The following LRBA variants were observed in gnomAD, a reference collection of about 807,000 sequenced individuals.
LRBA encodes lipopolysaccharide-responsive and beige-like anchor protein.
Under a neutral mutation model 330.0 loss-of-function variants are expected in LRBA, and 176 were observed. The observed-to-expected ratio is 0.53, with a 90% CI of 0.47 to 0.60. LRBA has a LOEUF of 0.60. LRBA is among the 20% of genes least tolerant of loss of function. The probability of loss-of-function intolerance (pLI) is 0.00; values close to 1 mark genes in which losing one functional copy is unlikely to be tolerated. For synonymous variants in LRBA, 1,230 were observed against 1,193.0 expected (o/e 1.03, Z -0.64); for missense variants, 3,259 against 3,444.8 (o/e 0.95, Z 1.35).
chr4:150,379,986 A>C (rs1478464096), intron 47 of LRBA, among the ~76,000 whole-genome samples: 1 of 146,762 alleles, frequency 6.8e-6, no homozygotes, highest in Non-Finnish European at 1.5e-5. Context: ...AACATGGAGA[A>C]ACCCCATTTC....
chr4:150,573,381 T>C (rs1770114749), intron 40 of LRBA, among the ~76,000 whole-genome samples: 1 of 152,184 alleles, frequency 6.6e-6, no homozygotes, highest in African/African-American at 2.4e-5. Flanking sequence ...GTTTGCACTT[T>C]GCAAACCCAC....
chr4:150,282,483 G>A lies in LRBA; in HGVS notation c.8283C>T (p.Leu2761=), dbSNP rs1317787982. Residue 2761 remains leucine, a synonymous_variant, in exon 55 of 57, where the codon CTC becomes CTT. Transcript: ENST00000651943. ...LFCTFSVNGK[L]QATMETDDNI... is the part of the protein sequence containing the mutation. ...TATCATCTGTTTCCATCGTGGCCTG[G>A]AGTTTTCCATTCACACTGAATGTAC... 4 of 1,614,036 alleles carry A rather than the reference G, an allele frequency of 2.5e-6. No homozygotes were observed. The East Asian group carries it at 6.7e-5, about 27-fold the overall frequency.
chr4:150,689,601 T>A (rs1332167741), intron 36 of LRBA, among the ~76,000 whole-genome samples: 1 of 152,180 alleles, frequency 6.6e-6, no homozygotes, highest in East Asian at 1.9e-4. Context: ...CACATGTTTA[T>A]ATCGGTGAAT....
chr4:150,527,644 A>T (rs1763615991), intron 40 of LRBA, among the ~76,000 whole-genome samples: 1 of 152,178 alleles, frequency 6.6e-6, no homozygotes, highest in South Asian at 2.1e-4. Flanking sequence ...GATAACTAAA[A>T]TATACTGGAA....
At chr4:150,707,763 C>A (rs1288115233) in intron 36 of LRBA, among the ~76,000 whole-genome samples, 1 of 151,484 alleles carries the variant, frequency 6.6e-6, no homozygotes, top group Non-Finnish European at 1.5e-5. Flanking sequence ...CTTGAGAATT[C>A]CAGCAGCATT....
chr4:150,767,016 A>G (rs1462483074), intron 34 of LRBA, among the ~76,000 whole-genome samples: 1 of 152,178 alleles, frequency 6.6e-6, no homozygotes, highest in African/African-American at 2.4e-5. Flanking sequence ...AGTGAAGATA[A>G]TACATATTAG....
At chr4:150,596,016 A>C (rs931824522) in intron 38 of LRBA, among the ~76,000 whole-genome samples, 1 of 151,984 alleles carries the variant, frequency 6.6e-6, no homozygotes, top group Non-Finnish European at 1.5e-5. Context: ...ATACTTAATC[A>C]TAAGAGGAAG....
rs1442743331 is a variant in LRBA, at chr4:150,707,558, C to T, written c.5755-23841G>A. On this transcript the variant is annotated intron_variant, in intron 36 of 56. Coordinates refer to ENST00000651943, the MANE Select transcript of LRBA (RefSeq NM_001364905.1). ...AAGGAAGATAAGAAATAAAAAAGGACCACTGTATATATAATTAGTAGATCA... is the reference window on the plus strand; with the variant it reads ...AAGGAAGATAAGAAATAAAAAAGGATCACTGTATATATAATTAGTAGATCA... Among the ~76,000 whole-genome samples the T allele has an allele frequency of 2.0e-5, 3 of 151,574 alleles. No individual in the cohort carries two copies. In the East Asian group the frequency reaches 5.8e-4, roughly 29 times the overall value.
intron 48 of LRBA, among the ~76,000 whole-genome samples, chr4:150,346,757 C>CCAAAAAA (rs1206950764): frequency 4.5e-5 from 3 of 66,136 alleles, no homozygotes; most frequent in African/African-American, 2.3e-4. Context: ...GACTCTGTCT[C>CCAAAAAA]AAAAAAAAAA....
intron 2 of LRBA, among the ~76,000 whole-genome samples, chr4:150,977,411 G>A (rs549143573): frequency 6.6e-6 from 1 of 152,222 alleles, no homozygotes; most frequent in East Asian, 1.9e-4. Flanking sequence ...AAGGGAACCC[G>A]CTGCCTTGAA....
intron 55 of LRBA, among the ~76,000 whole-genome samples, chr4:150,279,927 G>C (rs1012810604): frequency 3.3e-5 from 5 of 152,138 alleles, no homozygotes; most frequent in African/African-American, 7.2e-5. Flanking sequence ...TAGTTCATTT[G>C]AATTTGATAC....
chr4:150,522,252 T>C (rs1489059851), intron 40 of LRBA, among the ~76,000 whole-genome samples: 1 of 151,734 alleles, frequency 6.6e-6, no homozygotes, highest in Non-Finnish European at 1.5e-5. Context: ...AGTAAGAAAA[T>C]AAATTTCTAT....
At chr4:150,339,266 T>C (rs185028442) in intron 48 of LRBA, among the ~76,000 whole-genome samples, 2 of 152,280 alleles carry the variant, frequency 1.3e-5, no homozygotes, top group Non-Finnish European at 2.9e-5. Context: ...CTGAGTGAGA[T>C]AAAAGTTAAG....
intron 37 of LRBA, among the ~76,000 whole-genome samples, chr4:150,617,046 G>A (rs1319786260): frequency 2.6e-5 from 4 of 151,992 alleles, no homozygotes; most frequent in Admixed American, 2.6e-4. Flanking sequence ...TGTCAACTAG[G>A]GTTTATACTT....
chr4:150,634,070 G>A (rs772466382), intron 37 of LRBA, among the ~76,000 whole-genome samples: 20 of 152,124 alleles, frequency 1.3e-4, no homozygotes, highest in African/African-American at 2.2e-4. Flanking sequence ...AACCAAGATC[G>A]CACCATTGCA....
At chr4:150,971,587 A>C (rs1164511242) in intron 2 of LRBA, among the ~76,000 whole-genome samples, 1 of 152,246 alleles carries the variant, frequency 6.6e-6, no homozygotes, top group East Asian at 1.9e-4. Flanking sequence ...ATGTCTTAAT[A>C]AAATCTATAG....
rs560922131 is a variant in LRBA, at chr4:150,467,718, T to C, written c.6735A>G (p.Glu2245=). 1 of 1,610,036 alleles carries C rather than the reference T, an allele frequency of 6.2e-7. No individual in the cohort carries two copies. Among genetic ancestry groups the C allele is most frequent in the African/African-American group, 1.3e-5 (1 of 74,904 alleles). ...TGGTGGGCAAGGTAAGATCCAGTTCTTCTGATTCATAATTAGTGATGACCC... is the reference window on the plus strand; with the variant it reads ...TGGTGGGCAAGGTAAGATCCAGTTCCTCTGATTCATAATTAGTGATGACCC... ...FPWVITNYES[E]ELDLTLPTNF... is the part of the protein sequence containing the mutation. Residue 2245 remains glutamate (E), a synonymous_variant, in exon 44 of 57, where the codon GAA becomes GAG. Transcript: ENST00000651943.
chr4:150,562,622 T>C (rs1561356857), intron 40 of LRBA, among the ~76,000 whole-genome samples: 1 of 152,122 alleles, frequency 6.6e-6, no homozygotes, highest in Non-Finnish European at 1.5e-5. Flanking sequence ...TTACATAAAG[T>C]AACAGAAGAA....
rs528189030 is a variant in LRBA at position 150,616,449 on chromosome 4, TC to T, written c.5922-17319del. On this transcript the variant is annotated intron_variant, in intron 37 of 56. Coordinates refer to ENST00000651943, the MANE Select transcript of LRBA (RefSeq NM_001364905.1). ...AGAAGAAAACAAGAAAAATACAGTG[TC>T]CCAGAAACCAAATGAAAAAAATGTG... Among the ~76,000 whole-genome samples the T allele has an allele frequency of 2.0e-4, 31 of 152,094 alleles. No homozygotes were observed. In the East Asian group the frequency reaches 6.0e-3, roughly 29 times the overall value.
Sources: gnomAD v4.1 joint callset for allele counts (sites outside exome capture counted in the v4.1 genomes callset) on GRCh38, gnomAD v4.1.1 for gene constraint, MANE v1.5 for transcripts, NCBI Gene and HGNC (gene_info 2026-07-23, HGNC 2026-07-21) for gene names.